RFX3: variants seen among roughly 807,000 people sequenced by gnomAD.
The protein encoded by RFX3 is regulatory factor X3.
A neutral mutation model predicts 98.6 loss-of-function variants in RFX3; 14 were observed. The ratio of observed to expected loss-of-function variants is 0.14; its 90% CI spans 0.09 to 0.22. The LOEUF (loss-of-function observed/expected upper bound fraction) is 0.22. RFX3 is among the 10% of genes least tolerant of loss of function. RFX3 has a pLI of 1.00. For synonymous variants in RFX3, 383 were observed against 328.4 expected, an observed-to-expected ratio of 1.17 and a Z score of -1.80; for missense variants, 639 against 926.9, an observed-to-expected ratio of 0.69 and a Z score of 4.03.
chr9:3,407,808 A>G (rs963503768), intron 1 of RFX3, among the ~76,000 whole-genome samples: 4 of 152,210 alleles, frequency 2.6e-5, no homozygotes, highest in African/African-American at 9.6e-5. Flanking sequence ...CTGACTGTCT[A>G]TTCTGTAGAT....
At position 3,504,913 on chromosome 9, in the gene RFX3, TAATATAACATATATTATATATAA is replaced by T. The variant is rs1564185671; in HGVS notation, c.-9+20811_-9+20833del. ...ATATAACATATATTATATATATATATAATATAACATATATTATATATAATATATATAATATAATATATATTATA... is the reference window on the plus strand; with the variant it reads ...ATATAACATATATTATATATATATATTATATATAATATAATATATATTATA... On this transcript the variant is annotated intron_variant, in intron 1 of 16. Coordinates refer to ENST00000617270, the MANE Select transcript of RFX3 (RefSeq NM_001282116.2). Among the ~76,000 whole-genome samples the T allele has an allele frequency of 1.4e-3, 104 of 74,114 alleles. 4 individuals are homozygous for T. Among genetic ancestry groups the T allele is most frequent in the African/African-American group, 6.4e-3 (102 of 15,878 alleles). 48.6% of individuals were successfully genotyped at this position (74,114 alleles called of 152,430 possible).
intron 1 of RFX3, among the ~76,000 whole-genome samples, chr9:3,498,037 G>C (rs1851236565): frequency 6.6e-6 from 1 of 152,014 alleles, no homozygotes; most frequent in Non-Finnish European, 1.5e-5. Context: ...TGCTGTCAAA[G>C]ACTGTAGTTC....
At position 3,382,350 on chromosome 9, in the gene RFX3, A is replaced by G. The variant is rs1438894634; in HGVS notation, c.117+13122T>C. Among the ~76,000 whole-genome samples the G allele has an allele frequency of 2.0e-5, 3 of 152,228 alleles. No homozygotes were observed. The East Asian group carries it at 5.8e-4, about 29-fold the overall frequency. On this transcript the variant is annotated intron_variant, in intron 2 of 16. Coordinates refer to ENST00000617270, the MANE Select transcript of RFX3 (RefSeq NM_001282116.2). Reference sequence around the variant, plus strand: ...AAATCTGTATTCTGTCCCACATTCAATAATTAATATGTCAACTATAATATG... The same window carrying G: ...AAATCTGTATTCTGTCCCACATTCAGTAATTAATATGTCAACTATAATATG...
chr9:3,251,337 T>A (rs1032217020), intron 14 of RFX3, among the ~76,000 whole-genome samples: 1 of 152,194 alleles, frequency 6.6e-6, no homozygotes, highest in Admixed American at 6.5e-5. Flanking sequence ...GATTATCTTT[T>A]TAAAAAATTA....
intron 7 of RFX3, among the ~76,000 whole-genome samples, chr9:3,279,385 A>T (rs887857546): frequency 6.6e-6 from 1 of 151,858 alleles, no homozygotes; most frequent in African/African-American, 2.4e-5. Flanking sequence ...GCTTGAATAA[A>T]AGTGGTTAAA....
At chr9:3,407,469 A>G (rs1317625693) in intron 1 of RFX3, among the ~76,000 whole-genome samples, 1 of 152,144 alleles carries the variant, frequency 6.6e-6, no homozygotes, top group Non-Finnish European at 1.5e-5. Flanking sequence ...CATCAGCACC[A>G]AGGTCATATA....
At chr9:3,419,630 C>T (rs1025547240) in intron 1 of RFX3, among the ~76,000 whole-genome samples, 1 of 152,162 alleles carries the variant, frequency 6.6e-6, no homozygotes, top group Non-Finnish European at 1.5e-5. Flanking sequence ...CCTTTAACAA[C>T]CTGCAGTTCT....
chr9:3,335,976 T>C (rs529242587), intron 3 of RFX3, among the ~76,000 whole-genome samples: 2 of 152,354 alleles, frequency 1.3e-5, no homozygotes, highest in South Asian at 2.1e-4. Flanking sequence ...GTTTTCTTTA[T>C]CTTCAGGTGT....
intron 1 of RFX3, among the ~76,000 whole-genome samples, chr9:3,508,996 G>GGA (rs754948028): frequency 1.3e-5 from 2 of 151,442 alleles, no homozygotes; most frequent in Non-Finnish European, 3.0e-5. Context: ...GACACAGAGA[G>GGA]GAGAGAGAGA....
chr9:3,362,669 GA>G (rs1466315630), intron 2 of RFX3, among the ~76,000 whole-genome samples: 1 of 152,306 alleles, frequency 6.6e-6, no homozygotes, highest in East Asian at 1.9e-4. Context: ...TGAACTTCTT[GA>G]GAAGAATAAT....
intron 1 of RFX3, among the ~76,000 whole-genome samples, chr9:3,493,783 T>C (rs1290014872): frequency 1.3e-5 from 2 of 148,406 alleles, no homozygotes; most frequent in East Asian, 4.0e-4. Context: ...AAGGTCCAAA[T>C]CCTAAGCCAT....
At chr9:3,467,382 G>C (rs78308008) in intron 1 of RFX3, among the ~76,000 whole-genome samples, 1 of 149,878 alleles carries the variant, frequency 6.7e-6, no homozygotes, top group Non-Finnish European at 1.5e-5. Flanking sequence ...TTTCTTTCAA[G>C]GCATCAGGGT....
At chr9:3,253,941 G>A (rs1015183174) in intron 14 of RFX3, among the ~76,000 whole-genome samples, 1 of 152,006 alleles carries the variant, frequency 6.6e-6, no homozygotes. Flanking sequence ...GATATTAAAG[G>A]CTTAAGTTTC....
At chr9:3,389,279 A>C (rs1319549646) in intron 2 of RFX3, among the ~76,000 whole-genome samples, 1 of 152,144 alleles carries the variant, frequency 6.6e-6, no homozygotes, top group Non-Finnish European at 1.5e-5. Context: ...ATGAAAAACA[A>C]AGAATAATCT....
In RFX3 at chr9:3,221,282, T is replaced by C. The variant is rs1817329035; in HGVS notation, c.*3760A>G. 6.6e-6 allele frequency: 1 copy of C among 152,150 alleles called. No individual in the cohort carries two copies. The highest frequency in any genetic ancestry group is 2.4e-5 in the African/African-American group (1 of 41,458). 9.4% of individuals were successfully genotyped at this position (152,150 alleles called of 1,614,324 possible). A position where few individuals can be genotyped will look rare whatever the true frequency, so the allele number is the denominator to read the frequency against. ...GAATTTTTAAAAATTTGAAAATGCA[T>C]TTAGCACTTTTAGACAGTGCATTCA... On this transcript the variant is annotated 3_prime_UTR_variant, in exon 17 of 17. Transcript: ENST00000617270.
intron 4 of RFX3, chr9:3,324,069 G>C (rs1831613664): frequency 2.2e-6 from 1 of 446,110 alleles, no homozygotes; most frequent in Non-Finnish European, 4.7e-6. Flanking sequence ...TCTGTCTGAG[G>C]AGTTTCATTT....
At chr9:3,451,639 A>T (rs1374312781) in intron 1 of RFX3, among the ~76,000 whole-genome samples, 1 of 152,162 alleles carries the variant, frequency 6.6e-6, no homozygotes, top group Non-Finnish European at 1.5e-5. Flanking sequence ...AGCCCTCAGG[A>T]AGGTGGAACA....
Position 3,423,283 on chromosome 9 carries a change from C to CCTA in RFX3, c.-8-27690_-8-27688dup, listed in dbSNP as rs558134302. ...TAACCATATGACCCAATATTCCACT[C>CCTA]CTAAGTATTGATCTAACAAAAATGA... On this transcript the variant is annotated intron_variant, in intron 1 of 16. Transcript: ENST00000617270. Among the ~76,000 whole-genome samples the CCTA allele has an allele frequency of 2.0e-5, 3 of 152,262 alleles. No homozygotes were observed. In the East Asian group the frequency reaches 5.8e-4, roughly 29 times the overall value.
intron 1 of RFX3, among the ~76,000 whole-genome samples, chr9:3,522,306 T>TATATATTCC (rs1355950563): frequency 6.6e-6 from 1 of 152,196 alleles, no homozygotes; most frequent in Non-Finnish European, 1.5e-5. Flanking sequence ...ACATACTTTG[T>TATATATTCC]CATGGCCACT....
Sources: allele counts gnomAD v4.1 joint callset (sites outside exome capture counted in the v4.1 genomes callset), GRCh38; gene constraint gnomAD v4.1.1; transcripts MANE v1.5; gene names NCBI Gene and HGNC (gene_info 2026-07-23, HGNC 2026-07-21).